Variants in NCR1 observed in about 807,000 individuals in gnomAD.
NCR1 encodes NK cell-activating receptor.
Under a neutral mutation model 32.5 loss-of-function variants are expected in NCR1, and 30 were observed. That is an observed-to-expected ratio of 0.92 (90% CI 0.69 to 1.25). The LOEUF is 1.25. Among genes scored for constraint, NCR1 ranks in the 50% most tolerant of loss-of-function variants. The pLI, the probability that NCR1 is intolerant of heterozygous loss-of-function variation, is 0.00. For synonymous variants in NCR1, 169 were observed against 143.4 expected (o/e 1.18, Z -1.28); for missense variants, 369 against 380.7 (o/e 0.97, Z 0.26).
At chr19:54,925,520 AGT>A in the NCR1 span, among the ~76,000 whole-genome samples, 1 of 152,032 alleles carries the variant, frequency 6.6e-6, no homozygotes, top group Non-Finnish European at 1.5e-5. Flanking sequence ...GAATAAGACA[AGT>A]GGGCTGTGCA....
the NCR1 span, chr19:54,938,061 A>G: frequency 1.2e-6 from 2 of 1,613,934 alleles, no homozygotes; most frequent in Non-Finnish European, 1.7e-6. Flanking sequence ...TCTGCAGATG[A>G]CAGGTGCTAC....
At chr19:54,925,628 C>T in the NCR1 span, among the ~76,000 whole-genome samples, 8 of 152,080 alleles carry the variant, frequency 5.3e-5, no homozygotes, top group African/African-American at 1.9e-4. Flanking sequence ...CACGGCCACA[C>T]AGTGCAGCAG....
chr19:54,898,848 TG>T, the NCR1 span, among the ~76,000 whole-genome samples: 1 of 152,092 alleles, frequency 6.6e-6, no homozygotes, highest in African/African-American at 2.4e-5. Context: ...GCTGGGCAGT[TG>T]GGGGAGGGCT....
Position 54,912,698 on chromosome 19 carries a change from C to T in NCR1, c.742C>T (p.Leu248Phe), listed in dbSNP as rs761524156. The T allele has an allele frequency of 1.2e-6, 2 of 1,609,990 alleles. No individual in the cohort carries two copies. The highest frequency in any genetic ancestry group is 1.1e-5 in the South Asian group (1 of 90,984). ...TETGLQKDHA[L>F]WDHTAQNLLR... ...TGTTCTCCTGCCTACAGACCATGCC[C>T]TCTGGGATCACACTGCCCAGAATCT... is the stretch of plus-strand genomic sequence containing the variant. Residue 248 changes from leucine to phenylalanine, a missense_variant, in exon 7 of 7, where the codon CTC becomes TTC. Physicochemically the swap from Leu to Phe is conservative, Grantham distance 22. Coordinates refer to ENST00000291890, the MANE Select transcript of NCR1 (RefSeq NM_004829.7).
chr19:54,909,411 G>A lies in NCR1; in HGVS notation c.522G>A (p.Glu174=), dbSNP rs1038269692. The A allele has an allele frequency of 1.2e-6, 2 of 1,613,758 alleles. No homozygotes were observed. The highest frequency in any genetic ancestry group is 1.3e-5 in the African/African-American group (1 of 74,924). The change falls in exon 4 of 7, where the codon GAG becomes GAA. Residue 174 remains glutamate, a synonymous_variant. Transcript: ENST00000291890. The part of the protein sequence containing the change: ...VQRGYGKVQA[E]FPLGPVTTAH... Reference sequence around the variant, plus strand: ...GCGGATACGGGAAGGTCCAGGCGGAGTTCCCCCTGGGCCCTGTGACCACAG... The same window carrying A: ...GCGGATACGGGAAGGTCCAGGCGGAATTCCCCCTGGGCCCTGTGACCACAG...
At chr19:54,900,067 G>C in the NCR1 span, among the ~76,000 whole-genome samples, 1 of 152,142 alleles carries the variant, frequency 6.6e-6, no homozygotes, top group Admixed American at 6.5e-5. Flanking sequence ...TGTTCCTTGG[G>C]CTGGTTGGTC....
chr19:54,919,623 C>T (rs906834726), downstream of NCR1, among the ~76,000 whole-genome samples: 6 of 151,840 alleles, frequency 4.0e-5, no homozygotes, highest in Admixed American at 2.6e-4. Context: ...GTTAGGCCTC[C>T]GGATAACTGC....
the NCR1 span, among the ~76,000 whole-genome samples, chr19:54,922,678 C>T: frequency 6.7e-6 from 1 of 149,016 alleles, no homozygotes; most frequent in East Asian, 2.0e-4. Flanking sequence ...ACTCGGAAGG[C>T]TGAGGCAGGA....
At chr19:54,926,258 A>G in the NCR1 span, among the ~76,000 whole-genome samples, 3 of 151,950 alleles carry the variant, frequency 2.0e-5, no homozygotes, top group Non-Finnish European at 4.4e-5. Flanking sequence ...ACAAGCTTCC[A>G]GTCTGTACTC....
downstream of NCR1, among the ~76,000 whole-genome samples, chr19:54,915,101 C>A (rs929307957): frequency 6.6e-6 from 1 of 152,120 alleles, no homozygotes; most frequent in Non-Finnish European, 1.5e-5. Flanking sequence ...GCACTTGAAC[C>A]CTGATTCGGC....
chr19:54,911,217 C>G (rs587612123), intron 5 of NCR1, among the ~76,000 whole-genome samples: 2 of 151,774 alleles, frequency 1.3e-5, no homozygotes, highest in Non-Finnish European at 2.9e-5. Context: ...GGCGTGGTGG[C>G]GGGCGCCTGT....
chr19:54,933,483 T>C, the NCR1 span: 1 of 1,533,538 alleles, frequency 6.5e-7, no homozygotes, highest in East Asian at 2.3e-5. Flanking sequence ...TTTTAAAAGT[T>C]ACATTTGAAA....
chr19:54,903,561 CAT>C (rs1240660853), upstream of NCR1, among the ~76,000 whole-genome samples: 2 of 140,020 alleles, frequency 1.4e-5, no homozygotes, highest in African/African-American at 2.7e-5. Context: ...TGTATATATA[CAT>C]ATATGTGTAT....
At chr19:54,930,386 TG>T in the NCR1 span, 2 of 747,466 alleles carry the variant, frequency 2.7e-6, no homozygotes. Context: ...CGATCAAGCC[TG>T]GAAGACCGAA....
At chr19:54,898,222 G>A in the NCR1 span, among the ~76,000 whole-genome samples, 1 of 152,190 alleles carries the variant, frequency 6.6e-6, no homozygotes, top group Non-Finnish European at 1.5e-5. Context: ...CTCTGGGAGT[G>A]GCTGCCAGGT....
At chr19:54,910,477 G>A (rs1569537259) in intron 5 of NCR1, among the ~76,000 whole-genome samples, 1 of 152,176 alleles carries the variant, frequency 6.6e-6, no homozygotes, top group Non-Finnish European at 1.5e-5. Context: ...GGCTGAGGCA[G>A]GAGAATTGTT....
downstream of NCR1, among the ~76,000 whole-genome samples, chr19:54,913,322 G>T (rs2068064296): frequency 1.3e-5 from 2 of 152,128 alleles, no homozygotes; most frequent in African/African-American, 2.4e-5. Flanking sequence ...CCAAAGGGCT[G>T]GGATTACAGG....
At chr19:54,936,489 GC>G in the NCR1 span, 1 of 1,406,118 alleles carries the variant, frequency 7.1e-7, no homozygotes, top group African/African-American at 1.4e-5. Flanking sequence ...TTGTGTGGAG[GC>G]ATGTATAAAC....
chr19:54,905,544 T>C (rs1301255107), upstream of NCR1, among the ~76,000 whole-genome samples: 1 of 152,182 alleles, frequency 6.6e-6, no homozygotes, highest in Non-Finnish European at 1.5e-5. Context: ...ACATTATTCC[T>C]TACTTTTCAA....
Sources: allele counts gnomAD v4.1 joint callset (sites outside exome capture counted in the v4.1 genomes callset), GRCh38; gene constraint gnomAD v4.1.1; transcripts MANE v1.5; gene names NCBI Gene and HGNC (gene_info 2026-07-23, HGNC 2026-07-21).